Variants in KAZN observed in about 807,000 individuals in gnomAD.
KAZN encodes the protein kazrin, periplakin interacting protein.
In KAZN, 40 loss-of-function variants were observed where a neutral mutation model predicts 87.4. That is an observed-to-expected ratio of 0.46 (90% CI 0.36 to 0.60). KAZN has a LOEUF of 0.60. Ranked by LOEUF, KAZN falls within the 20% of genes least tolerant of loss-of-function variation. The pLI is 0.00. For synonymous variants in KAZN, 466 were observed against 458.3 expected, an observed-to-expected ratio of 1.02 and a Z score of -0.22; for missense variants, 898 against 1,073.9, an observed-to-expected ratio of 0.84 and a Z score of 2.29.
chr1:14,198,294 G>A (rs912582408), intron 2 of KAZN, among the ~76,000 whole-genome samples: 1 of 152,110 alleles, frequency 6.6e-6, no homozygotes, highest in Non-Finnish European at 1.5e-5. Flanking sequence ...AGGGAGAGTA[G>A]ATGATGGCAA....
chr1:14,433,892 C>A (rs554449181), intron 2 of KAZN, among the ~76,000 whole-genome samples: 1 of 152,306 alleles, frequency 6.6e-6, no homozygotes, highest in African/African-American at 2.4e-5. Flanking sequence ...GTGAAGCGTT[C>A]TCTCTCTTCC....
Position 14,960,693 on chromosome 1 carries a change from G to T in KAZN, c.236G>T (p.Arg79Leu). ...NPQLGAQVLL[R>L]EEVSRLQEEV... ...TGCCCTTCTCCCCTAGTGCTCCTGC[G>T]GGAAGAAGTGTCGCGGCTCCAGGAG... is the stretch of plus-strand genomic sequence containing the variant. Residue 79 changes from arginine (R) to leucine (L), a missense_variant, in exon 2 of 15, where the codon CGG becomes CTG. Around this residue, in one of 3 missense-constraint regions of KAZN, gnomAD observed 250 missense variants for 263.0 expected, o/e 0.95. Coordinates refer to ENST00000376030, the MANE Select transcript of KAZN (RefSeq NM_201628.3). 6.4e-7 allele frequency: 1 copy of T among 1,566,642 alleles called. No homozygotes were observed. Among genetic ancestry groups the T allele is most frequent in the East Asian group, 2.3e-5 (1 of 42,564 alleles).
chr1:14,181,983 C>T (rs1646208542), intron 2 of KAZN, among the ~76,000 whole-genome samples: 1 of 152,150 alleles, frequency 6.6e-6, no homozygotes, highest in African/African-American at 2.4e-5. Flanking sequence ...TCCGAGCTTA[C>T]TAGTGCCTAG....
At chr1:14,068,658 C>A (rs971067630) in intron 1 of KAZN, among the ~76,000 whole-genome samples, 5 of 152,172 alleles carry the variant, frequency 3.3e-5, no homozygotes, top group Non-Finnish European at 5.9e-5. Flanking sequence ...TTGGGCCCTT[C>A]AGGGGCTTTC....
intron 4 of KAZN, 46 bp downstream of exon 4, chr1:15,044,205 G>A: frequency 6.6e-7 from 1 of 1,513,140 alleles, no homozygotes; most frequent in South Asian, 1.3e-5. Context: ...TGCTAGCAGT[G>A]CCGTGCTGGG....
At chr1:14,711,964 C>T (rs1293030374) in intron 1 of KAZN, among the ~76,000 whole-genome samples, 4 of 152,122 alleles carry the variant, frequency 2.6e-5, no homozygotes, top group East Asian at 1.9e-4. Context: ...GGAGAGGTTC[C>T]GGCCATGGGG....
intron 2 of KAZN, among the ~76,000 whole-genome samples, chr1:15,031,024 C>T (rs1182806575): frequency 6.6e-6 from 1 of 152,238 alleles, no homozygotes; most frequent in African/African-American, 2.4e-5. Flanking sequence ...TTAGGCCATA[C>T]CTGGTGTCTC....
At chr1:14,868,674 CT>C (rs1651801732) in intron 1 of KAZN, among the ~76,000 whole-genome samples, 1 of 151,760 alleles carries the variant, frequency 6.6e-6, no homozygotes, top group South Asian at 2.1e-4. Context: ...TCTGCATGTC[CT>C]TCCAGAAATG....
intron 2 of KAZN, among the ~76,000 whole-genome samples, chr1:14,580,984 C>A (rs1675511279): frequency 6.6e-6 from 1 of 152,122 alleles, no homozygotes; most frequent in African/African-American, 2.4e-5. Context: ...TCCTTATGAC[C>A]TTGACCTCTA....
chr1:14,599,217 G>A lies in KAZN; in HGVS notation c.220G>A (p.Ala74Thr). 7.2e-7 allele frequency: 1 copy of A among 1,393,734 alleles called. No homozygotes were observed. Among genetic ancestry groups the A allele is most frequent in the Non-Finnish European group, 9.3e-7 (1 of 1,077,022 alleles). The allele number at this position is 1,393,734 out of a possible 1,614,324, so 86.3% of individuals were successfully genotyped here. A position where few individuals can be genotyped will look rare whatever the true frequency, so the allele number is the denominator to read the frequency against. ...ATNMENPQLGAQVLLREEVSR... is the reference protein window; with the variant it reads ...ATNMENPQLGTQVLLREEVSR... Reference sequence around the variant, plus strand: ...GAACATGGAGAACCCCCAGCTTGGAGCGCAAGGTAGGATCGCCCCGGCGCC... The same window carrying A: ...GAACATGGAGAACCCCCAGCTTGGAACGCAAGGTAGGATCGCCCCGGCGCC... Residue 74 changes from alanine to threonine, a missense_variant, in exon 1 of 15, where the codon GCG becomes ACG. By Grantham distance (58) the Ala-to-Thr change is moderately conservative. This residue lies in a region of KAZN where 250 missense variants were observed against 263.0 expected (regional missense o/e 0.95). Coordinates refer to ENST00000376030, the MANE Select transcript of KAZN (RefSeq NM_201628.3). The surrounding 1 kb of genome is among the most constrained non-coding windows in gnomAD (Gnocchi z 4.4).
Position 14,971,775 on chromosome 1 carries a change from G to C in KAZN, c.418+10900G>C, listed in dbSNP as rs72869246. On this transcript the variant is annotated intron_variant, in intron 2 of 14. Coordinates refer to ENST00000376030, the MANE Select transcript of KAZN (RefSeq NM_201628.3). ...CTGCTCACTGCAAGCTCCGCCTCCCGGGTTCACACCATTCGGCACCAGGAG... is the reference window on the plus strand; with the variant it reads ...CTGCTCACTGCAAGCTCCGCCTCCCCGGTTCACACCATTCGGCACCAGGAG... 2.0e-5 allele frequency among the ~76,000 whole-genome samples: 3 copies of C among 146,614 alleles called. No homozygotes were observed. In the Admixed American group the frequency reaches 2.1e-4, roughly 10 times the overall value.
At chr1:14,589,960 C>T (rs1391051357) in intron 2 of KAZN, among the ~76,000 whole-genome samples, 1 of 152,050 alleles carries the variant, frequency 6.6e-6, no homozygotes, top group South Asian at 2.1e-4. Flanking sequence ...GAAAACTCTC[C>T]TCCTGAAGAT....
At chr1:14,553,532 G>A (rs761720117) in intron 2 of KAZN, among the ~76,000 whole-genome samples, 4 of 152,160 alleles carry the variant, frequency 2.6e-5, no homozygotes, top group African/African-American at 7.2e-5. Context: ...AGGAGAGGGC[G>A]CAAATCCCAT....
At chr1:14,933,703 C>T (rs2101593148) in intron 1 of KAZN, among the ~76,000 whole-genome samples, 1 of 152,218 alleles carries the variant, frequency 6.6e-6, no homozygotes, top group East Asian at 1.9e-4. Flanking sequence ...TGTTCACAGG[C>T]ATGATCATTG....
intron 2 of KAZN, among the ~76,000 whole-genome samples, chr1:14,988,325 C>T (rs1667028862): frequency 6.6e-6 from 1 of 152,242 alleles, no homozygotes; most frequent in Non-Finnish European, 1.5e-5. Flanking sequence ...CTGCGGGCAG[C>T]TGGCCGCATT....
intron 2 of KAZN, among the ~76,000 whole-genome samples, chr1:14,242,626 A>G (rs753083488): frequency 1.3e-5 from 2 of 152,218 alleles, no homozygotes; most frequent in Admixed American, 6.5e-5. Flanking sequence ...ATTGCAGGAG[A>G]TGGCTTTGCT....
rs111377665 is a variant in KAZN at position 13,994,093 on chromosome 1, A to G, written c.91+100337A>G. Reference sequence around the variant, plus strand: ...GAACATCTTAAGGAATTTGGTTTCTAAAGTAGCCAGGGAACTCCATGACAG... The same window carrying G: ...GAACATCTTAAGGAATTTGGTTTCTGAAGTAGCCAGGGAACTCCATGACAG... On this transcript the variant is annotated intron_variant, in intron 1 of 16. Coordinates refer to the KAZN transcript ENST00000636203. 1.5e-3 allele frequency among the ~76,000 whole-genome samples: 236 copies of G among 152,314 alleles called. 1 individual carries two copies. Among genetic ancestry groups the G allele is most frequent in the Middle Eastern group, 6.8e-3 (2 of 294 alleles).
intron 2 of KAZN, among the ~76,000 whole-genome samples, chr1:14,347,851 C>T (rs1168595587): frequency 2.0e-5 from 3 of 151,468 alleles, no homozygotes; most frequent in Admixed American, 6.6e-5. Context: ...CTACAATGGG[C>T]ATATACTACT....
intron 2 of KAZN, among the ~76,000 whole-genome samples, chr1:14,257,958 T>TA (rs1650663426): frequency 3.5e-5 from 1 of 28,422 alleles, no homozygotes; most frequent in Non-Finnish European, 6.5e-5. Flanking sequence ...AAAAAAAACA[T>TA]TAAAAAAAAA....
Sources: allele counts gnomAD v4.1 joint callset (sites outside exome capture counted in the v4.1 genomes callset), GRCh38; gene constraint gnomAD v4.1.1; regional missense constraint gnomAD v4.1.1; non-coding constraint Gnocchi (gnomAD v3.1); transcripts MANE v1.5; gene names NCBI Gene and HGNC (gene_info 2026-07-23, HGNC 2026-07-21).